The following ASIC2 variants were observed in gnomAD, a reference collection of about 807,000 sequenced individuals.
ASIC2 encodes the protein acid-sensing ion channel 2.
In ASIC2, 25 loss-of-function variants were observed where a neutral mutation model predicts 57.3. The observed-to-expected ratio is 0.44, with a 90% CI of 0.32 to 0.61. The LOEUF (loss-of-function observed/expected upper bound fraction) is 0.61, where lower values mean the gene tolerates loss of function less well. ASIC2 is among the 20% of genes least tolerant of loss of function. The pLI, the probability that ASIC2 is intolerant of heterozygous loss-of-function variation, is 0.06. For synonymous variants in ASIC2, 319 were observed against 307.5 expected, an observed-to-expected ratio of 1.04 and a Z score of -0.39; for missense variants, 641 against 738.1, an observed-to-expected ratio of 0.87 and a Z score of 1.52.
chr17:33,298,020 C>T (rs1905793328), upstream of ASIC2, among the ~76,000 whole-genome samples: 1 of 148,424 alleles, frequency 6.7e-6, no homozygotes, highest in South Asian at 2.1e-4. Flanking sequence ...GCCTCCCTCT[C>T]CCCTCCTGTC....
chr17:33,745,980 T>A (rs544726378), intron 1 of ASIC2, among the ~76,000 whole-genome samples: 13 of 152,220 alleles, frequency 8.5e-5, no homozygotes, highest in African/African-American at 3.1e-4. Context: ...TATAATTGCA[T>A]TGTTGCACCT....
At chr17:33,681,140 A>G (rs759734175) in intron 1 of ASIC2, among the ~76,000 whole-genome samples, 3 of 152,204 alleles carry the variant, frequency 2.0e-5, no homozygotes, top group Non-Finnish European at 4.4e-5. Flanking sequence ...CATTTTGTTC[A>G]GGCATCTGTT....
chr17:33,187,585 G>C (rs1906246686), intron 1 of ASIC2, among the ~76,000 whole-genome samples: 1 of 152,110 alleles, frequency 6.6e-6, no homozygotes, highest in Non-Finnish European at 1.5e-5. Flanking sequence ...GCACCTAATA[G>C]AATGTATGGG....
chr17:33,270,143 G>T (rs1274101092), intron 1 of ASIC2, among the ~76,000 whole-genome samples: 1 of 152,150 alleles, frequency 6.6e-6, no homozygotes, highest in Admixed American at 6.5e-5. Flanking sequence ...AAAGTCAATT[G>T]GTTAAAAATT....
rs138864367 is a variant in ASIC2, at chr17:33,021,487, T to C, written c.1350-177A>G. ...GCGGCTTCAAGCCAAGAAGCCTGAC[T>C]CCCAGCCCGGGTCTGGAGGCCTACA... On this transcript the variant is annotated intron_variant, in intron 6 of 9. Coordinates refer to ENST00000225823, the MANE Select transcript of ASIC2 (RefSeq NM_183377.2). 2.7e-3 allele frequency among the ~76,000 whole-genome samples: 412 copies of C among 152,370 alleles called. 1 individual carries two copies. Among genetic ancestry groups the C allele is most frequent in the African/African-American group, 8.5e-3 (353 of 41,588 alleles).
At chr17:33,119,429 A>G (rs1175805089) in intron 1 of ASIC2, among the ~76,000 whole-genome samples, 4 of 152,216 alleles carry the variant, frequency 2.6e-5, no homozygotes, top group Non-Finnish European at 5.9e-5. Flanking sequence ...CTCCTCAAAT[A>G]CATTTCACAC....
intron 1 of ASIC2, among the ~76,000 whole-genome samples, chr17:33,135,787 T>C (rs922289336): frequency 6.6e-6 from 1 of 152,210 alleles, no homozygotes; most frequent in African/African-American, 2.4e-5. Flanking sequence ...GGAGTCAGCC[T>C]TTGGAAAAGT....
chr17:33,201,045 G>A (rs1406633678), intron 1 of ASIC2, among the ~76,000 whole-genome samples: 2 of 152,076 alleles, frequency 1.3e-5, no homozygotes, highest in African/African-American at 2.4e-5. Flanking sequence ...CCACCTTCTC[G>A]GAGAGACCTC....
intron 1 of ASIC2, among the ~76,000 whole-genome samples, chr17:33,395,832 G>A (rs980967639): frequency 6.6e-6 from 1 of 152,000 alleles, no homozygotes; most frequent in Admixed American, 6.5e-5. Flanking sequence ...CAATGACTTT[G>A]GCACTTACCA....
intron 1 of ASIC2, among the ~76,000 whole-genome samples, chr17:33,347,242 G>A (rs1036176483): frequency 2.6e-5 from 4 of 152,202 alleles, no homozygotes; most frequent in East Asian, 1.9e-4. Context: ...GGATTCACAT[G>A]AGCATCTTTT....
intron 1 of ASIC2, among the ~76,000 whole-genome samples, chr17:33,992,813 C>T (rs909134992): frequency 6.6e-5 from 10 of 152,154 alleles, no homozygotes; most frequent in Admixed American, 5.9e-4. Context: ...GTAATAAGAA[C>T]GTAGTTGAGA....
intron 1 of ASIC2, among the ~76,000 whole-genome samples, chr17:33,610,599 C>G (rs1394345646): frequency 6.6e-6 from 1 of 152,022 alleles, no homozygotes; most frequent in Non-Finnish European, 1.5e-5. Flanking sequence ...CAAATGATGC[C>G]TAGCCTGTCA....
chr17:33,255,265 C>T (rs973274164), intron 1 of ASIC2, among the ~76,000 whole-genome samples: 1 of 151,788 alleles, frequency 6.6e-6, no homozygotes, highest in South Asian at 2.1e-4. Flanking sequence ...GTCTCAAACC[C>T]CTGACCTCAA....
intron 1 of ASIC2, among the ~76,000 whole-genome samples, chr17:33,434,579 T>C (rs1290138772): frequency 5.9e-5 from 9 of 152,118 alleles, no homozygotes; most frequent in African/African-American, 1.9e-4. Context: ...AGAAAGAAAA[T>C]ACAATGCAAG....
At chr17:33,912,060 A>T (rs1414066327) in intron 1 of ASIC2, among the ~76,000 whole-genome samples, 3 of 147,006 alleles carry the variant, frequency 2.0e-5, no homozygotes, top group Non-Finnish European at 4.5e-5. Flanking sequence ...GAACTGCTTG[A>T]ACCCAGGAGG....
At chr17:33,793,909 C>T (rs1477120958) in intron 1 of ASIC2, 1 of 152,182 alleles carries the variant, frequency 6.6e-6, no homozygotes, top group East Asian at 1.9e-4. Flanking sequence ...GGTAGGATTT[C>T]AGACGATGAT....
chr17:33,972,431 C>G (rs1327822554), intron 1 of ASIC2, among the ~76,000 whole-genome samples: 1 of 152,120 alleles, frequency 6.6e-6, no homozygotes, highest in Non-Finnish European at 1.5e-5. Context: ...GTCAGTATTG[C>G]CCAGAGCTCC....
At chr17:33,811,900 G>T (rs1057511525) in intron 1 of ASIC2, among the ~76,000 whole-genome samples, 2 of 152,130 alleles carry the variant, frequency 1.3e-5, no homozygotes, top group Non-Finnish European at 2.9e-5. Flanking sequence ...ACTTCTCCCA[G>T]CTTGGCTAAT....
At chr17:33,080,762 G>A (rs1260180459) in intron 3 of ASIC2, among the ~76,000 whole-genome samples, 2 of 152,116 alleles carry the variant, frequency 1.3e-5, no homozygotes, top group South Asian at 2.1e-4. Context: ...TCACAGACAC[G>A]GCTGCTAAGT....
Sources: allele counts gnomAD v4.1 joint callset (sites outside exome capture counted in the v4.1 genomes callset), GRCh38; gene constraint gnomAD v4.1.1; transcripts MANE v1.5; gene names NCBI Gene and HGNC (gene_info 2026-07-23, HGNC 2026-07-21).